OTUD7A: variants seen among roughly 807,000 people sequenced by gnomAD.
The protein encoded by OTUD7A is OTU deubiquitinase 7A, also known as OTU domain-containing protein 7A.
Under a neutral mutation model 65.7 loss-of-function variants are expected in OTUD7A, and 12 were observed. The ratio of observed to expected loss-of-function variants is 0.18; its 90% CI spans 0.12 to 0.30. The LOEUF (loss-of-function observed/expected upper bound fraction) is 0.30. OTUD7A is among the 10% of genes least tolerant of loss of function. The pLI is 1.00. For missense variants in OTUD7A, 1,148 were observed against 1,304.8 expected, an observed-to-expected ratio of 0.88 and a Z score of 1.85; for synonymous variants, 641 against 586.3, an observed-to-expected ratio of 1.09 and a Z score of -1.35.
At chr15:31,611,146 A>G (rs1473913649) in intron 3 of OTUD7A, among the ~76,000 whole-genome samples, 1 of 152,140 alleles carries the variant, frequency 6.6e-6, no homozygotes, top group Non-Finnish European at 1.5e-5. Context: ...TCTGGGATAT[A>G]GCAAAGGAGG....
At chr15:31,791,015 T>C (rs1567024442) in intron 1 of OTUD7A, among the ~76,000 whole-genome samples, 1 of 152,120 alleles carries the variant, frequency 6.6e-6, no homozygotes, top group Non-Finnish European at 1.5e-5. Context: ...CTAATGGTCA[T>C]CTTTTTTTGT....
chr15:31,779,740 G>A lies in OTUD7A; in HGVS notation c.-100+90767C>T, dbSNP rs144115717. ...ATCTGGACACCAGAGTCTTCTTTCC[G>A]GGCCACTTTGGAGCCCTAGGGGTGG... On this transcript the variant is annotated intron_variant, in intron 1 of 12. Coordinates refer to ENST00000307050, the MANE Select transcript of OTUD7A (RefSeq NM_001382637.1). Among the ~76,000 whole-genome samples the A allele has an allele frequency of 5.0e-3, 756 of 152,120 alleles. 8 individuals carry two copies. The highest frequency in any genetic ancestry group is 6.9e-3 in the Non-Finnish European group (467 of 67,996).
At chr15:31,851,355 T>C (rs1454093057) in intron 1 of OTUD7A, among the ~76,000 whole-genome samples, 1 of 152,062 alleles carries the variant, frequency 6.6e-6, no homozygotes, top group Non-Finnish European at 1.5e-5. Flanking sequence ...TAATTGGAGA[T>C]GGAAAGAAAA....
At chr15:31,741,768 T>C (rs1033934996) in intron 1 of OTUD7A, among the ~76,000 whole-genome samples, 1 of 151,742 alleles carries the variant, frequency 6.6e-6, no homozygotes, top group Non-Finnish European at 1.5e-5. Flanking sequence ...TCCATTTCAA[T>C]AAGATAGGAA....
In OTUD7A at chr15:31,527,304, C is replaced by A. The variant is rs1428309028; in HGVS notation, c.657G>T (p.Met219Ile). ...CCAGGTCCCGGTCGTGAAACCCCCA[C>A]ATTCCTGGAGCCAGGAGGCCAGGGA... ...NCLLHAASLG[M>I]WGFHDRDLVL... The change falls in exon 7 of 13, where the codon ATG (methionine) becomes ATT (isoleucine). Residue 219 changes from methionine (M) to isoleucine (I), a missense_variant. Met to Ile is a conservative substitution (Grantham distance 10). This residue lies in a region of OTUD7A where 134 missense variants were observed against 252.6 expected (regional missense o/e 0.53). Coordinates refer to ENST00000307050, the MANE Select transcript of OTUD7A (RefSeq NM_001382637.1). 3 of 1,613,986 alleles carry A rather than the reference C, an allele frequency of 1.9e-6. No individual in the cohort carries two copies. Among genetic ancestry groups the A allele is most frequent in the Non-Finnish European group, 2.5e-6 (3 of 1,179,922 alleles).
intron 3 of OTUD7A, among the ~76,000 whole-genome samples, chr15:31,575,361 A>G (rs534700249): frequency 1.3e-5 from 2 of 152,336 alleles, no homozygotes; most frequent in African/African-American, 4.8e-5. Flanking sequence ...GTACATATGA[A>G]AACAGAAGAT....
At chr15:31,511,677 A>C (rs2041747137) in intron 8 of OTUD7A, among the ~76,000 whole-genome samples, 1 of 107,064 alleles carries the variant, frequency 9.3e-6, no homozygotes, top group Non-Finnish European at 2.0e-5. Flanking sequence ...TATATGTAAC[A>C]CACACATATA....
chr15:31,859,667 A>G (rs1032019623), intron 1 of OTUD7A, among the ~76,000 whole-genome samples: 2 of 152,238 alleles, frequency 1.3e-5, no homozygotes, highest in South Asian at 4.1e-4. Context: ...ACTTCCTTGA[A>G]GCTAGTGGTT....
intron 1 of OTUD7A, among the ~76,000 whole-genome samples, chr15:31,853,022 C>T (rs1052284619): frequency 3.3e-5 from 5 of 152,110 alleles, no homozygotes; most frequent in African/African-American, 1.2e-4. Context: ...CACCTCCCTT[C>T]CCCCCAGGCT....
At chr15:31,834,081 T>C (rs1023510060) in intron 1 of OTUD7A, among the ~76,000 whole-genome samples, 12 of 152,260 alleles carry the variant, frequency 7.9e-5, no homozygotes, top group Non-Finnish European at 1.8e-4. Context: ...AAAAGAGTAA[T>C]ATTCTTTAGC....
chr15:31,633,008 C>T (rs1891226282), intron 3 of OTUD7A, among the ~76,000 whole-genome samples: 1 of 151,786 alleles, frequency 6.6e-6, no homozygotes, highest in African/African-American at 2.4e-5. Flanking sequence ...ACCGATTTTC[C>T]AGGTGCCGTC....
At chr15:31,614,233 C>T (rs1371461193) in intron 3 of OTUD7A, among the ~76,000 whole-genome samples, 2 of 152,012 alleles carry the variant, frequency 1.3e-5, no homozygotes, top group African/African-American at 4.8e-5. Flanking sequence ...ACCAAAATCT[C>T]ACAGATCACC....
At chr15:31,685,473 G>A (rs1892814319) in intron 1 of OTUD7A, among the ~76,000 whole-genome samples, 1 of 150,774 alleles carries the variant, frequency 6.6e-6, no homozygotes, top group Non-Finnish European at 1.5e-5. Context: ...GTGAAACCCT[G>A]TCTCTACTGA....
intron 1 of OTUD7A, among the ~76,000 whole-genome samples, chr15:31,685,482 G>GAA (rs565412347): frequency 3.6e-5 from 5 of 140,444 alleles, no homozygotes; most frequent in African/African-American, 7.7e-5. Context: ...TGTCTCTACT[G>GAA]AAAAAAAAAA....
At position 31,570,108 on chromosome 15, in the gene OTUD7A, C is replaced by G. The variant is rs1192644079; in HGVS notation, c.241G>C (p.Gly81Arg). The G allele has an allele frequency of 6.2e-6, 10 of 1,614,084 alleles. No homozygotes were observed. The highest frequency in any genetic ancestry group is 7.6e-6 in the Non-Finnish European group (9 of 1,180,036). ...TANLPHVFNE[G>R]RGPKQPEREP... ...CGCTCTGGCTGCTTGGGACCCCGCC[C>G]TTCATTGAACACATGTGGCAGATTG... is the stretch of plus-strand genomic sequence containing the variant. The change falls in exon 4 of 13, where the codon GGG becomes CGG. Residue 81 changes from glycine (G) to arginine (R), a missense_variant. Physicochemically the swap from Gly to Arg is moderately radical, Grantham distance 125 (BLOSUM62 -2). Coordinates refer to ENST00000307050, the MANE Select transcript of OTUD7A (RefSeq NM_001382637.1).
intron 3 of OTUD7A, among the ~76,000 whole-genome samples, chr15:31,598,727 C>G (rs1889983620): frequency 6.6e-6 from 1 of 152,222 alleles, no homozygotes; most frequent in Admixed American, 6.5e-5. Context: ...GTCCCACCCC[C>G]ATGGAGCCCA....
At chr15:31,496,221 A>G (rs35692871) in intron 10 of OTUD7A, among the ~76,000 whole-genome samples, 10,080 of 148,386 alleles carry the variant, frequency 0.068, 798 homozygotes, top group African/African-American at 0.19. Context: ...GTATTTGATA[A>G]ATGATTTTTT....
intron 5 of OTUD7A, among the ~76,000 whole-genome samples, chr15:31,549,270 C>A (rs895727197): frequency 7.9e-5 from 12 of 152,132 alleles, no homozygotes; most frequent in Non-Finnish European, 1.5e-4. Flanking sequence ...ATTCCCCTGA[C>A]CACAACATAT....
intron 1 of OTUD7A, among the ~76,000 whole-genome samples, chr15:31,845,649 C>T (rs960529889): frequency 1.3e-5 from 2 of 152,186 alleles, no homozygotes; most frequent in African/African-American, 2.4e-5. Context: ...GGGGACTCTG[C>T]GACCTCCCAC....
Sources: gnomAD v4.1 joint callset for allele counts (sites outside exome capture counted in the v4.1 genomes callset) on GRCh38, gnomAD v4.1.1 for gene constraint, gnomAD v4.1.1 regional missense constraint, MANE v1.5 for transcripts, NCBI Gene and HGNC (gene_info 2026-07-23, HGNC 2026-07-21) for gene names.